Variants in CRPPA observed in about 807,000 individuals in gnomAD.
CRPPA encodes D-ribitol-5-phosphate cytidylyltransferase.
In CRPPA, 43 loss-of-function variants were observed where a neutral mutation model predicts 52.0. The observed-to-expected ratio is 0.83, with a 90% confidence interval of 0.65 to 1.07. CRPPA has a LOEUF of 1.07. CRPPA is among the 50% of genes least tolerant of loss of function. The pLI is 0.00. For synonymous variants in CRPPA, 250 were observed against 203.5 expected (o/e 1.23, Z -1.94); for missense variants, 629 against 551.7 (o/e 1.14, Z -1.40).
intron 9 of CRPPA, among the ~76,000 whole-genome samples, chr7:16,151,318 A>C (rs923485911): frequency 6.6e-6 from 1 of 152,204 alleles, no homozygotes; most frequent in East Asian, 1.9e-4. Context: ...TCATCAATTT[A>C]GCAAAATCTA....
In CRPPA at chr7:16,396,472, AAT is replaced by A. The variant is rs752865427; in HGVS notation, c.534+9587_534+9588del. Among the ~76,000 whole-genome samples, 8 of 152,256 alleles carry A rather than the reference AAT, an allele frequency of 5.3e-5. No homozygotes were observed. In the East Asian group the frequency reaches 9.6e-4, roughly 18 times the overall value. On this transcript the variant is annotated intron_variant, in intron 2 of 9. Transcript: ENST00000407010. ...GGAACACTTCTACACTGCTGGTGAG[AAT>A]ATATAATAGTACAACCACTACAGAA...
At position 16,250,298 on chromosome 7, in the gene CRPPA, C is replaced by A. The variant is rs765950799; in HGVS notation, c.1119+8092G>T. The stretch of plus-strand genomic sequence containing the variant: ...GAATGACACCAAGTTGGAAAACACT[C>A]TGCAGGATATTAATCAGGAGAATTT... On this transcript the variant is annotated intron_variant, in intron 8 of 9. Coordinates refer to ENST00000407010, the MANE Select transcript of CRPPA (RefSeq NM_001101426.4). Among the ~76,000 whole-genome samples, 74 of 152,194 alleles carry A rather than the reference C, an allele frequency of 4.9e-4. 1 individual carries two copies. Among genetic ancestry groups the A allele is most frequent in the Non-Finnish European group, 9.6e-4 (65 of 68,036 alleles).
At chr7:16,137,618 G>C (rs1445333852) in intron 9 of CRPPA, among the ~76,000 whole-genome samples, 1 of 152,108 alleles carries the variant, frequency 6.6e-6, no homozygotes, top group East Asian at 1.9e-4. Flanking sequence ...ATATGATTAA[G>C]AATACTATAT....
chr7:16,169,862 G>A (rs891979763), intron 9 of CRPPA, among the ~76,000 whole-genome samples: 2 of 152,094 alleles, frequency 1.3e-5, no homozygotes, highest in Non-Finnish European at 2.9e-5. Flanking sequence ...AAAACAAGAA[G>A]CACTCACTGT....
chr7:16,120,888 A>AAATTTAAATTCC (rs1782468353), intron 9 of CRPPA, among the ~76,000 whole-genome samples: 1 of 152,138 alleles, frequency 6.6e-6, no homozygotes. Context: ...AAAGTGTATC[A>AAATTTAAATTCC]CAGAACCTGG....
At chr7:16,205,923 G>A (rs1329733862) in intron 9 of CRPPA, among the ~76,000 whole-genome samples, 3 of 152,048 alleles carry the variant, frequency 2.0e-5, no homozygotes, top group Non-Finnish European at 4.4e-5. Context: ...ACAATTAAAT[G>A]TAAATCTTAG....
chr7:16,141,264 A>T (rs1187571237), intron 9 of CRPPA, among the ~76,000 whole-genome samples: 1 of 152,232 alleles, frequency 6.6e-6, no homozygotes, highest in Admixed American at 6.5e-5. Flanking sequence ...TATAGGAAAA[A>T]GAAAACACCA....
intron 9 of CRPPA, among the ~76,000 whole-genome samples, chr7:16,204,075 T>G (rs1249099699): frequency 1.3e-5 from 2 of 152,176 alleles, no homozygotes; most frequent in Non-Finnish European, 2.9e-5. Flanking sequence ...GAACATGTAT[T>G]TCCTAGCTCA....
intron 9 of CRPPA, among the ~76,000 whole-genome samples, chr7:16,150,131 C>T (rs1476531974): frequency 6.6e-6 from 1 of 152,010 alleles, no homozygotes; most frequent in Non-Finnish European, 1.5e-5. Flanking sequence ...TTTGTAAAAT[C>T]ATTACTTAAC....
At chr7:16,172,621 A>C (rs566796508) in intron 9 of CRPPA, among the ~76,000 whole-genome samples, 46 of 152,318 alleles carry the variant, frequency 3.0e-4, no homozygotes, top group African/African-American at 1.1e-3. Context: ...GCTTTTCATA[A>C]ATTATTCATG....
intron 9 of CRPPA, among the ~76,000 whole-genome samples, chr7:16,185,908 T>A (rs1781496322): frequency 6.6e-6 from 1 of 152,162 alleles, no homozygotes; most frequent in African/African-American, 2.4e-5. Context: ...TTTCTTAGAT[T>A]TCTGTTTTGC....
chr7:16,186,118 A>ACTTGCATTAT (rs1781500501), intron 9 of CRPPA, among the ~76,000 whole-genome samples: 1 of 152,232 alleles, frequency 6.6e-6, no homozygotes, highest in South Asian at 2.1e-4. Context: ...AAGTAAATTT[A>ACTTGCATTAT]TCTAGGTAGA....
intron 5 of CRPPA, among the ~76,000 whole-genome samples, chr7:16,289,661 G>C (rs749494071): frequency 6.6e-6 from 1 of 152,012 alleles, no homozygotes; most frequent in African/African-American, 2.4e-5. Context: ...CAACAAATAA[G>C]GTATAGAGAG....
intron 6 of CRPPA, chr7:16,270,530 T>G (rs1784067189): frequency 6.6e-6 from 1 of 152,152 alleles, no homozygotes; most frequent in African/African-American, 2.4e-5. Context: ...GTCTATCATT[T>G]TGGAGTTTCT....
At chr7:16,382,683 GTTCGT>G (rs1229460007) in intron 2 of CRPPA, among the ~76,000 whole-genome samples, 3 of 152,022 alleles carry the variant, frequency 2.0e-5, no homozygotes, top group African/African-American at 7.3e-5. Context: ...TGGAGGCTTT[GTTCGT>G]TTCTTTTTAT....
At chr7:16,141,749 A>T (rs1301441497) in intron 9 of CRPPA, among the ~76,000 whole-genome samples, 2 of 152,220 alleles carry the variant, frequency 1.3e-5, no homozygotes. Context: ...ATATGCATGT[A>T]CTCATCTACC....
At position 16,238,378 on chromosome 7, in the gene CRPPA, T is replaced by C. The variant is rs114615059; in HGVS notation, c.1119+20012A>G. On this transcript the variant is annotated intron_variant, in intron 8 of 9. Transcript: ENST00000407010. ...TCCCTGCCAAGTGCTAACTGGATAG[T>C]ATATATAAAATAAGTTTAAAATGAA... Among the ~76,000 whole-genome samples, 861 of 152,284 alleles carry C rather than the reference T, an allele frequency of 5.7e-3. 10 individuals carry two copies. Among genetic ancestry groups the C allele is most frequent in the African/African-American group, 0.019 (787 of 41,562 alleles).
intron 8 of CRPPA, among the ~76,000 whole-genome samples, chr7:16,244,556 A>G (rs1783215126): frequency 6.6e-6 from 1 of 152,212 alleles, no homozygotes; most frequent in Non-Finnish European, 1.5e-5. Flanking sequence ...ATGCTGAAAC[A>G]AATTTCTACC....
At chr7:16,111,606 T>C (rs887541590) in intron 9 of CRPPA, among the ~76,000 whole-genome samples, 1 of 152,140 alleles carries the variant, frequency 6.6e-6, no homozygotes, top group Non-Finnish European at 1.5e-5. Context: ...AAAAAGTAAC[T>C]GTCATTTGCA....
Sources: allele counts gnomAD v4.1 joint callset (sites outside exome capture counted in the v4.1 genomes callset), GRCh38; gene constraint gnomAD v4.1.1; transcripts MANE v1.5; gene names NCBI Gene and HGNC (gene_info 2026-07-23, HGNC 2026-07-21).